The following FAM117B variants were observed in gnomAD, a reference collection of about 807,000 sequenced individuals.
FAM117B encodes protein FAM117B.
In FAM117B, 22 loss-of-function variants were observed where a neutral mutation model predicts 52.8. The observed-to-expected ratio is 0.42, with a 90% CI of 0.30 to 0.59. FAM117B has a LOEUF of 0.59. Among genes scored for constraint, FAM117B ranks in the 20% least tolerant of loss-of-function variants. FAM117B has a pLI of 0.22. For synonymous variants in FAM117B, 309 were observed against 324.1 expected, an observed-to-expected ratio of 0.95 and a Z score of 0.50; for missense variants, 678 against 802.6, an observed-to-expected ratio of 0.84 and a Z score of 1.88.
intron 1 of FAM117B, among the ~76,000 whole-genome samples, chr2:202,652,568 G>A (rs1271680938): frequency 1.6e-4 from 24 of 152,184 alleles, no homozygotes; most frequent in Admixed American, 1.6e-3. Context: ...GAAAAGAGTA[G>A]TACTTCATGA....
intron 1 of FAM117B, among the ~76,000 whole-genome samples, chr2:202,665,378 CTT>C (rs963147265): frequency 6.6e-6 from 1 of 151,888 alleles, no homozygotes; most frequent in African/African-American, 2.4e-5. Flanking sequence ...CATATAGAAT[CTT>C]TTTTACTTGC....
intron 4 of FAM117B, 73 bp from the exon 5 acceptor site, chr2:202,755,454 TACTTATGTCTG>T: frequency 6.7e-7 from 1 of 1,495,446 alleles, no homozygotes; most frequent in Non-Finnish European, 9.0e-7. Flanking sequence ...ATTTTTGAGT[TACTTATGTCTG>T]TTGGAATTAC....
intron 4 of FAM117B, among the ~76,000 whole-genome samples, chr2:202,737,148 C>T (rs992893356): frequency 7.9e-5 from 12 of 151,974 alleles, no homozygotes; most frequent in Admixed American, 2.0e-4. Context: ...TAAGGTATAC[C>T]TAAGTCATAC....
intron 1 of FAM117B, among the ~76,000 whole-genome samples, chr2:202,679,504 C>T (rs1001097847): frequency 1.6e-4 from 24 of 152,282 alleles, no homozygotes; most frequent in Admixed American, 1.2e-3. Flanking sequence ...TTAGGCTGGA[C>T]AAGGAATGAC....
At chr2:202,684,697 T>C (rs1397230156) in intron 1 of FAM117B, among the ~76,000 whole-genome samples, 1 of 152,168 alleles carries the variant, frequency 6.6e-6, no homozygotes, top group East Asian at 1.9e-4. Flanking sequence ...ATAGTGCTGT[T>C]GCCTATGAGT....
chr2:202,706,787 C>T (rs1353875830), intron 2 of FAM117B, among the ~76,000 whole-genome samples: 1 of 152,108 alleles, frequency 6.6e-6, no homozygotes, highest in Admixed American at 6.5e-5. Context: ...TAGAATGTAA[C>T]AGGAGTGAGT....
chr2:202,650,738 G>C (rs756187184), intron 1 of FAM117B, among the ~76,000 whole-genome samples: 18 of 152,180 alleles, frequency 1.2e-4, no homozygotes, highest in Non-Finnish European at 2.6e-4. Flanking sequence ...GAAGAAACTG[G>C]AGTGAGATGT....
chr2:202,694,504 TTA>T (rs1318023018), intron 1 of FAM117B, among the ~76,000 whole-genome samples: 3 of 152,046 alleles, frequency 2.0e-5, no homozygotes, highest in Non-Finnish European at 4.4e-5. Flanking sequence ...ACCAACTTTT[TTA>T]TATGTGTCTT....
At chr2:202,716,047 G>A (rs1018959873) in intron 2 of FAM117B, among the ~76,000 whole-genome samples, 1 of 151,970 alleles carries the variant, frequency 6.6e-6, no homozygotes, top group Admixed American at 6.5e-5. Context: ...GTCCAGCTTT[G>A]GCTCGGCATC....
At position 202,765,677 on chromosome 2, in the gene FAM117B, A is replaced by G; in HGVS notation, c.1683A>G (p.Gln561=). 1 of 1,614,182 alleles carries G rather than the reference A, an allele frequency of 6.2e-7. No individual in the cohort carries two copies. Among genetic ancestry groups the G allele is most frequent in the Non-Finnish European group, 8.5e-7 (1 of 1,180,046 alleles). ...AVASLSTNTE[Q]DRVSRGTSTV... is the part of the protein sequence containing the mutation. ...CCTCCCTGTCTACAAACACAGAGCA[A>G]GACCGAGTCTCTCGAGGAACAAGTA... Residue 561 remains glutamine, a synonymous_variant, in exon 8 of 8, where the codon CAA becomes CAG. Coordinates refer to ENST00000392238, the MANE Select transcript of FAM117B (RefSeq NM_173511.4).
intron 1 of FAM117B, among the ~76,000 whole-genome samples, chr2:202,639,755 C>A (rs1390353503): frequency 6.6e-6 from 1 of 152,128 alleles, no homozygotes; most frequent in African/African-American, 2.4e-5. Flanking sequence ...AACTGAAAAA[C>A]AGCACAGTAC....
chr2:202,677,724 ATC>A (rs1690400624), intron 1 of FAM117B, among the ~76,000 whole-genome samples: 1 of 152,114 alleles, frequency 6.6e-6, no homozygotes, highest in Admixed American at 6.5e-5. Flanking sequence ...AACTCCTAAA[ATC>A]TCTGTATTTT....
chr2:202,718,415 A>G (rs1691091076), intron 2 of FAM117B, among the ~76,000 whole-genome samples: 1 of 152,170 alleles, frequency 6.6e-6, no homozygotes, highest in Non-Finnish European at 1.5e-5. Flanking sequence ...TTTATCATGA[A>G]AGAGTGAATT....
intron 2 of FAM117B, among the ~76,000 whole-genome samples, chr2:202,715,503 C>T (rs1380348685): frequency 6.6e-6 from 1 of 151,096 alleles, no homozygotes; most frequent in Non-Finnish European, 1.5e-5. Context: ...GGCAGAGGCG[C>T]TCCCCACATC....
intron 1 of FAM117B, among the ~76,000 whole-genome samples, chr2:202,676,174 C>T (rs1690376514): frequency 6.6e-6 from 1 of 151,880 alleles, no homozygotes; most frequent in South Asian, 2.1e-4. Flanking sequence ...GTGTCTGTGG[C>T]CAACAACAGT....
intron 2 of FAM117B, among the ~76,000 whole-genome samples, chr2:202,720,046 A>G (rs1356683909): frequency 1.3e-5 from 2 of 152,176 alleles, no homozygotes; most frequent in African/African-American, 4.8e-5. Flanking sequence ...TTTGTAACTA[A>G]TAGTAATTTG....
Position 202,634,980 on chromosome 2 carries a change from T to C in FAM117B, c.-208T>C, listed in dbSNP as rs1014692721. ...GGGGCGGGGGCAGCAGAGGAGACACTATTGTTGATGAGGAGCGGCGGCGGC... is the reference window on the plus strand; with the variant it reads ...GGGGCGGGGGCAGCAGAGGAGACACCATTGTTGATGAGGAGCGGCGGCGGC... On this transcript the variant is annotated 5_prime_UTR_variant, in exon 1 of 8. Transcript: ENST00000392238. Among the ~76,000 whole-genome samples, 2 of 148,838 alleles carry C rather than the reference T, an allele frequency of 1.3e-5. No individual in the cohort carries two copies. Among genetic ancestry groups the C allele is most frequent in the Non-Finnish European group, 3.0e-5 (2 of 67,320 alleles).
chr2:202,668,239 TTATA>T (rs1331812273), intron 1 of FAM117B, among the ~76,000 whole-genome samples: 2 of 145,706 alleles, frequency 1.4e-5, no homozygotes, highest in East Asian at 1.9e-4. Context: ...ATATTAATAT[TTATA>T]TATTTAGATA....
intron 1 of FAM117B, among the ~76,000 whole-genome samples, chr2:202,654,062 T>TGAGTGAGAGAGAGAGAGA (rs780028124): frequency 3.0e-5 from 4 of 134,772 alleles, no homozygotes; most frequent in African/African-American, 1.1e-4. Context: ...AGAGAGTGAG[T>TGAGTGAGAGAGAGAGAGA]GAGAGAGAGA....
Sources: gnomAD v4.1 joint callset for allele counts (sites outside exome capture counted in the v4.1 genomes callset) on GRCh38, gnomAD v4.1.1 for gene constraint, MANE v1.5 for transcripts, NCBI Gene and HGNC (gene_info 2026-07-23, HGNC 2026-07-21) for gene names.